Variants in STRA6 observed in about 807,000 individuals in gnomAD.
The protein encoded by STRA6 is receptor for retinol uptake STRA6.
A neutral mutation model predicts 83.6 loss-of-function variants in STRA6; 48 were observed. The ratio of observed to expected loss-of-function variants is 0.57; its 90% confidence interval spans 0.46 to 0.73. The LOEUF (loss-of-function observed/expected upper bound fraction) is 0.73, where lower values mean the gene tolerates loss of function less well. STRA6 is among the 30% of genes least tolerant of loss of function. The pLI is 0.00. For synonymous variants in STRA6, 353 were observed against 362.3 expected, an observed-to-expected ratio of 0.97 and a Z score of 0.29; for missense variants, 760 against 838.8, an observed-to-expected ratio of 0.91 and a Z score of 1.16.
chr15:74,189,697 C>T (rs2073436837), intron 11 of STRA6, among the ~76,000 whole-genome samples: 1 of 147,998 alleles, frequency 6.8e-6, no homozygotes. Flanking sequence ...TGGAGTCTTG[C>T]TCTGTGGCCA....
intron 12 of STRA6, among the ~76,000 whole-genome samples, chr15:74,187,253 C>T (rs2073300135): frequency 6.6e-6 from 1 of 152,230 alleles, no homozygotes; most frequent in African/African-American, 2.4e-5. Context: ...TCCACTGGTT[C>T]CCAACTTGGG....
At position 74,184,105 on chromosome 15, in the gene STRA6, C is replaced by T. The variant is rs955601569; in HGVS notation, c.1167-116G>A. 25 of 1,468,460 alleles carry T rather than the reference C, an allele frequency of 1.7e-5. 2 individuals carry two copies. The Admixed American group carries it at 3.0e-4, about 18-fold the overall frequency. 91.0% of individuals were successfully genotyped at this position (1,468,460 alleles called of 1,614,324 possible). ...TAGAATTTCAACTCACAGCCATCAGCAGGGAAGCCCAGAACTGTGGGAGCC... is the reference window on the plus strand; with the variant it reads ...TAGAATTTCAACTCACAGCCATCAGTAGGGAAGCCCAGAACTGTGGGAGCC... On this transcript the variant is annotated intron_variant, in intron 13 of 18. Transcript: ENST00000395105.
chr15:74,187,461 G>C (rs2073308805), intron 12 of STRA6, among the ~76,000 whole-genome samples: 1 of 151,982 alleles, frequency 6.6e-6, no homozygotes, highest in Non-Finnish European at 1.5e-5. Context: ...GAGAGGTAAT[G>C]CACTTTGCCC....
upstream of STRA6, among the ~76,000 whole-genome samples, chr15:74,206,004 T>C (rs547255511): frequency 6.6e-6 from 1 of 152,320 alleles, no homozygotes; most frequent in African/African-American, 2.4e-5. Context: ...CCTAGCCGGA[T>C]TTGAACCCTG....
At chr15:74,211,133 C>T (rs2074361730), upstream of STRA6, among the ~76,000 whole-genome samples, 3 of 136,366 alleles carry the variant, frequency 2.2e-5, no homozygotes. Flanking sequence ...AGATTCCCCC[C>T]CACCACTACG....
intron 12 of STRA6, among the ~76,000 whole-genome samples, chr15:74,185,980 G>A (rs957170433): frequency 6.6e-5 from 10 of 152,222 alleles, no homozygotes; most frequent in South Asian, 2.1e-4. Context: ...TCTCAAGGAC[G>A]GGGAGAGCAA....
Position 74,188,445 on chromosome 15 carries a change from AGCCCTGCGTTCTCTTGGCTGCACTCT to A in STRA6, c.1090+644_1090+669del, listed in dbSNP as rs1211644345. The stretch of plus-strand genomic sequence containing the variant: ...AGAAGGCCCCCGCCTAGGCTTCAGG[AGCCCTGCGTTCTCTTGGCTGCACTCT>A]GCCCTGCTGGATGGCCTCAGGCAAA... On this transcript the variant is annotated intron_variant, in intron 12 of 18. Coordinates refer to ENST00000395105, the MANE Select transcript of STRA6 (RefSeq NM_022369.4). This position sits in a 1 kb window ranked among gnomAD's most constrained non-coding sequence, Gnocchi z 4.5. Among the ~76,000 whole-genome samples the A allele has an allele frequency of 6.6e-6, 1 of 152,210 alleles. No individual in the cohort carries two copies. The highest frequency in any genetic ancestry group is 2.4e-5 in the African/African-American group (1 of 41,460).
intron 13 of STRA6, 91 bp downstream of exon 13, chr15:74,184,885 TTCCC>T: frequency 7.8e-7 from 1 of 1,288,794 alleles, no homozygotes; most frequent in Non-Finnish European, 1.1e-6. Flanking sequence ...GGCAGAGCCC[TTCCC>T]TCCCTCCAGG....
upstream of STRA6, chr15:74,209,141 C>A: frequency 7.6e-7 from 1 of 1,309,388 alleles, no homozygotes; most frequent in Non-Finnish European, 9.9e-7. Context: ...ACCCCACCCC[C>A]ATCTCCAGCT....
intron 7 of STRA6, 133 bp downstream of exon 7, chr15:74,195,169 G>C: frequency 6.5e-7 from 1 of 1,526,922 alleles, no homozygotes; most frequent in Non-Finnish European, 8.8e-7. Flanking sequence ...CATGTTTGAA[G>C]GCATGGAATC....
At position 74,208,721 on chromosome 15, in the gene STRA6, CGCA is replaced by C; in HGVS notation, c.-16+76_-16+78del. 4.1e-6 allele frequency: 4 copies of C among 987,606 alleles called. No individual in the cohort carries two copies. In the South Asian group the frequency reaches 1.4e-4, roughly 35 times the overall value. 61.2% of individuals were successfully genotyped at this position (987,606 alleles called of 1,614,324 possible). On this transcript the variant is annotated intron_variant, in intron 1 of 18. Coordinates refer to the STRA6 transcript ENST00000323940. ...GCTCTGACTCCTGCTCACTTCCCACCGCACACCCCATGTGCCTTCTCGCTGTTC... is the reference window on the plus strand; with the variant it reads ...GCTCTGACTCCTGCTCACTTCCCACCCACCCCATGTGCCTTCTCGCTGTTC...
At chr15:74,184,068 C>T (rs1262030792) in intron 13 of STRA6, 79 bp from the exon 14 acceptor site, 17 of 1,585,548 alleles carry the variant, frequency 1.1e-5, no homozygotes, top group Non-Finnish European at 1.2e-5. Flanking sequence ...CAGCAACTGG[C>T]CAAACTCCCA....
At chr15:74,202,352 A>AT in intron 1 of STRA6, 70 bp from the exon 2 acceptor site, 1 of 1,537,408 alleles carries the variant, frequency 6.5e-7, no homozygotes, top group African/African-American at 1.4e-5. Context: ...AGAAAAAAAA[A>AT]GAAAGAAAGA....
Position 74,189,161 on chromosome 15 carries a change from C to G in STRA6, c.1044G>C (p.Lys348Asn). Residue 348 changes from lysine to asparagine, a missense_variant, in exon 12 of 19, where the codon AAG (lysine) becomes AAC (asparagine). Coordinates refer to ENST00000395105, the MANE Select transcript of STRA6 (RefSeq NM_022369.4). Reference sequence around the variant, plus strand: ...GCTTCACCAGCTCCACCACCTCCTGCTTGTCCTCGGAGAGCACGATTCCAA... The same window carrying G: ...GCTTCACCAGCTCCACCACCTCCTGGTTGTCCTCGGAGAGCACGATTCCAA... Reference protein sequence around the residue: ...AGFGIVLSEDKQEVVELVKHH... With the variant: ...AGFGIVLSEDNQEVVELVKHH... 6.2e-7 allele frequency: 1 copy of G among 1,614,162 alleles called. No individual in the cohort carries two copies. Among genetic ancestry groups the G allele is most frequent in the Middle Eastern group, 1.6e-4 (1 of 6,062 alleles).
chr15:74,200,678 A>G (rs2074018540), intron 2 of STRA6, among the ~76,000 whole-genome samples: 1 of 152,088 alleles, frequency 6.6e-6, no homozygotes, highest in Non-Finnish European at 1.5e-5. Flanking sequence ...GGGCAGGGGG[A>G]TGGCAGGCAG....
At chr15:74,206,804 T>G (rs559433446), upstream of STRA6, among the ~76,000 whole-genome samples, 2 of 151,928 alleles carry the variant, frequency 1.3e-5, no homozygotes, top group East Asian at 3.9e-4. Flanking sequence ...AAGGAGAGAG[T>G]AGCATAAGGG....
chr15:74,191,549 C>T (rs2073540322), intron 8 of STRA6, 58 bp from the exon 9 acceptor site: 4 of 1,500,122 alleles, frequency 2.7e-6, no homozygotes, highest in South Asian at 1.1e-5. Flanking sequence ...ATTCGTGGGT[C>T]CCTGGCTCAG....
intron 1 of STRA6, 163 bp downstream of exon 1, chr15:74,202,550 T>A (rs1333408136): frequency 6.8e-7 from 1 of 1,471,548 alleles, no homozygotes; most frequent in Non-Finnish European, 8.9e-7. Flanking sequence ...AGCTGTCCCC[T>A]TGGGGCCCCG....
intron 8 of STRA6, 164 bp from the exon 9 acceptor site, chr15:74,191,655 T>C: frequency 2.9e-6 from 2 of 679,994 alleles, no homozygotes; most frequent in Non-Finnish European, 5.4e-6. Context: ...GGGGATGAGG[T>C]CCGTGCCCTC....
Sources: allele counts gnomAD v4.1 joint callset (sites outside exome capture counted in the v4.1 genomes callset), GRCh38; gene constraint gnomAD v4.1.1; non-coding constraint Gnocchi (gnomAD v3.1); transcripts MANE v1.5; gene names NCBI Gene and HGNC (gene_info 2026-07-23, HGNC 2026-07-21).